The following CSNK1G1 variants were observed in gnomAD, a reference collection of about 807,000 sequenced individuals.
The protein encoded by CSNK1G1 is casein kinase I isoform gamma-1.
In CSNK1G1, 22 loss-of-function variants were observed where a neutral mutation model predicts 59.6. The ratio of observed to expected loss-of-function variants is 0.37; its 90% CI spans 0.26 to 0.53. The LOEUF (loss-of-function observed/expected upper bound fraction) is 0.53, where lower values mean the gene tolerates loss of function less well. CSNK1G1 is among the 20% of genes least tolerant of loss of function. CSNK1G1 has a pLI of 0.89. For missense variants in CSNK1G1, 384 were observed against 519.5 expected (o/e 0.74, Z 2.54); for synonymous variants, 179 against 177.1 (o/e 1.01, Z -0.08).
chr15:64,265,954 A>T (rs1892959518), intron 2 of CSNK1G1: 1 of 397,978 alleles, frequency 2.5e-6, no homozygotes, highest in Non-Finnish European at 5.0e-6. Context: ...TGTAGGGGTA[A>T]GTGCCTATAA....
intron 10 of CSNK1G1, among the ~76,000 whole-genome samples, chr15:64,190,375 T>G (rs976906572): frequency 6.6e-6 from 1 of 152,204 alleles, no homozygotes; most frequent in Non-Finnish European, 1.5e-5. Flanking sequence ...ATGTTTCATT[T>G]TCCAAAATAA....
At chr15:64,317,617 T>C (rs1469656368) in intron 1 of CSNK1G1, among the ~76,000 whole-genome samples, 1 of 151,966 alleles carries the variant, frequency 6.6e-6, no homozygotes, top group Non-Finnish European at 1.5e-5. Context: ...TTGGCCAGGA[T>C]GGCCCAGGAT....
intron 1 of CSNK1G1, among the ~76,000 whole-genome samples, chr15:64,307,923 T>G (rs1421291799): frequency 1.3e-5 from 2 of 152,074 alleles, no homozygotes; most frequent in African/African-American, 4.8e-5. Context: ...CCTGACTTCA[T>G]GATCCACCCG....
intron 4 of CSNK1G1, among the ~76,000 whole-genome samples, chr15:64,247,353 G>A (rs1891814751): frequency 6.6e-6 from 1 of 152,118 alleles, no homozygotes; most frequent in Admixed American, 6.5e-5. Flanking sequence ...TTACAATTTG[G>A]TTTCTATAAG....
At chr15:64,271,997 C>T (rs957286093) in intron 2 of CSNK1G1, among the ~76,000 whole-genome samples, 2 of 152,144 alleles carry the variant, frequency 1.3e-5, no homozygotes, top group African/African-American at 4.8e-5. Context: ...CCTTTTACCA[C>T]TATGTAATGT....
At chr15:64,288,790 C>T (rs1894571616) in intron 2 of CSNK1G1, among the ~76,000 whole-genome samples, 1 of 152,062 alleles carries the variant, frequency 6.6e-6, no homozygotes, top group South Asian at 2.1e-4. Flanking sequence ...TGCATGATGA[C>T]ATCATGTAAA....
rs2081667504 is a variant in CSNK1G1, at chr15:64,171,714, G to A, written c.*217C>T. On this transcript the variant is annotated 3_prime_UTR_variant, in exon 12 of 12. Coordinates refer to ENST00000303052, the MANE Select transcript of CSNK1G1 (RefSeq NM_022048.5). This position sits in a 1 kb window ranked among gnomAD's most constrained non-coding sequence, Gnocchi z 4.8. ...CAAGCAGTGGAGGAACAGCAGCTCTGGGACCTGCTCAGAGCCTTAGGCAGG... is the reference window on the plus strand; with the variant it reads ...CAAGCAGTGGAGGAACAGCAGCTCTAGGACCTGCTCAGAGCCTTAGGCAGG... 1.7e-6 allele frequency: 1 copy of A among 590,296 alleles called. No homozygotes were observed. Among genetic ancestry groups the A allele is most frequent in the African/African-American group, 1.9e-5 (1 of 53,650 alleles). 36.6% of individuals were successfully genotyped at this position (590,296 alleles called of 1,614,324 possible).
chr15:64,194,664 G>A (rs900294533), intron 10 of CSNK1G1, among the ~76,000 whole-genome samples: 3 of 151,762 alleles, frequency 2.0e-5, no homozygotes, highest in Admixed American at 6.6e-5. Context: ...TTACAGGCAT[G>A]AGCCACCATG....
At chr15:64,349,491 CACTATA>C (rs1364160797) in intron 1 of CSNK1G1, among the ~76,000 whole-genome samples, 1 of 152,164 alleles carries the variant, frequency 6.6e-6, no homozygotes, top group Non-Finnish European at 1.5e-5. Context: ...CCCCAACCCC[CACTATA>C]ACTACACTGC....
At chr15:64,324,002 T>C (rs1566947813) in intron 1 of CSNK1G1, among the ~76,000 whole-genome samples, 1 of 152,216 alleles carries the variant, frequency 6.6e-6, no homozygotes, top group South Asian at 2.1e-4. Context: ...CACTACCTTA[T>C]GGATAGTAAT....
intron 1 of CSNK1G1, among the ~76,000 whole-genome samples, chr15:64,316,648 A>C (rs1230296279): frequency 1.3e-5 from 2 of 152,200 alleles, no homozygotes; most frequent in Non-Finnish European, 2.9e-5. Context: ...CTCCAAAGAA[A>C]AAAGAAGTAA....
chr15:64,253,701 T>C (rs1483653683), intron 3 of CSNK1G1, among the ~76,000 whole-genome samples: 1 of 152,086 alleles, frequency 6.6e-6, no homozygotes, highest in Non-Finnish European at 1.5e-5. Context: ...TAAACAAAAT[T>C]GGGTATATAC....
chr15:64,336,060 T>A (rs1897372705), intron 1 of CSNK1G1, among the ~76,000 whole-genome samples: 1 of 152,214 alleles, frequency 6.6e-6, no homozygotes, highest in South Asian at 2.1e-4. Flanking sequence ...TATCGATTTA[T>A]GTGGCTATTT....
intron 11 of CSNK1G1, among the ~76,000 whole-genome samples, chr15:64,174,025 CTCTTT>C (rs1567354692): frequency 6.6e-6 from 1 of 152,152 alleles, no homozygotes; most frequent in Non-Finnish European, 1.5e-5. Flanking sequence ...ATAGACTTAC[CTCTTT>C]TCTTCTGAAT....
chr15:64,191,251 G>A (rs949185423), intron 10 of CSNK1G1, among the ~76,000 whole-genome samples: 4 of 152,024 alleles, frequency 2.6e-5, no homozygotes, highest in Non-Finnish European at 4.4e-5. Flanking sequence ...TAGTAGAGAC[G>A]CGGTTTCCCT....
intron 1 of CSNK1G1, among the ~76,000 whole-genome samples, chr15:64,326,344 A>C (rs1027529578): frequency 6.6e-6 from 1 of 152,152 alleles, no homozygotes; most frequent in Non-Finnish European, 1.5e-5. Context: ...TATTTTTAAC[A>C]TTTAAAAAAG....
intron 2 of CSNK1G1, among the ~76,000 whole-genome samples, chr15:64,299,522 G>A (rs1303546257): frequency 6.6e-6 from 1 of 151,588 alleles, no homozygotes; most frequent in Non-Finnish European, 1.5e-5. Flanking sequence ...AACCCGGGAG[G>A]CAGAGCTTGC....
chr15:64,194,009 G>A (rs2082006875), intron 10 of CSNK1G1: 1 of 152,576 alleles, frequency 6.6e-6, no homozygotes, highest in African/African-American at 2.4e-5. Flanking sequence ...GTGACTAGGT[G>A]ATAGAACAGA....
intron 1 of CSNK1G1, among the ~76,000 whole-genome samples, chr15:64,324,470 T>C (rs1485355491): frequency 1.3e-5 from 2 of 152,198 alleles, no homozygotes; most frequent in Non-Finnish European, 2.9e-5. Flanking sequence ...GCTGGATGCT[T>C]CCTACCCTCG....
Sources: allele counts gnomAD v4.1 joint callset (sites outside exome capture counted in the v4.1 genomes callset), GRCh38; gene constraint gnomAD v4.1.1; non-coding constraint Gnocchi (gnomAD v3.1); transcripts MANE v1.5; gene names NCBI Gene and HGNC (gene_info 2026-07-23, HGNC 2026-07-21).